TTC39C: variants seen among roughly 807,000 people sequenced by gnomAD.
TTC39C encodes the protein tetratricopeptide repeat domain 39C.
TTC39C carries 33 observed loss-of-function variants against 76.3 expected under a neutral mutation model. The observed-to-expected ratio is 0.43, with a 90% confidence interval of 0.33 to 0.58. The LOEUF (loss-of-function observed/expected upper bound fraction) is 0.58, where lower values mean the gene tolerates loss of function less well. Ranked by LOEUF, TTC39C falls within the 20% of genes least tolerant of loss-of-function variation. TTC39C has a pLI of 0.04. For synonymous variants in TTC39C, 254 were observed against 260.6 expected, an observed-to-expected ratio of 0.97 and a Z score of 0.24; for missense variants, 595 against 701.4, an observed-to-expected ratio of 0.85 and a Z score of 1.71.
At chr18:24,084,428 T>A (rs2084416335) in intron 6 of TTC39C, among the ~76,000 whole-genome samples, 1 of 152,124 alleles carries the variant, frequency 6.6e-6, no homozygotes, top group Non-Finnish European at 1.5e-5. Context: ...GAGGTTGTAG[T>A]GAGCCGAGAT....
intron 3 of TTC39C, 30 bp downstream of exon 3, chr18:24,066,170 G>A (rs781150730): frequency 1.3e-6 from 2 of 1,561,092 alleles, no homozygotes; most frequent in Admixed American, 4.5e-5. Flanking sequence ...GTTGTGGACT[G>A]TGTGCCACTT....
intron 1 of TTC39C, among the ~76,000 whole-genome samples, chr18:23,999,181 C>T (rs1386471652): frequency 1.3e-5 from 2 of 152,204 alleles, no homozygotes; most frequent in Admixed American, 1.3e-4. Flanking sequence ...TCCCTTTCCA[C>T]CTTCGAAACC....
chr18:24,027,506 C>T (rs963738365), intron 1 of TTC39C, among the ~76,000 whole-genome samples: 13 of 151,038 alleles, frequency 8.6e-5, no homozygotes, highest in Admixed American at 2.0e-4. Flanking sequence ...TTATTTAGGC[C>T]TAAAATAAAG....
At chr18:24,034,213 C>T (rs1014880038) in intron 1 of TTC39C, among the ~76,000 whole-genome samples, 2 of 152,190 alleles carry the variant, frequency 1.3e-5, no homozygotes, top group Admixed American at 6.5e-5. Context: ...CAAAGGCTAC[C>T]CTGAAGCTAA....
rs117416983 is a variant in TTC39C, at chr18:24,095,694, C to T, written c.984+12613C>T. On this transcript the variant is annotated intron_variant, in intron 6 of 13. Coordinates refer to ENST00000317571, the MANE Select transcript of TTC39C (RefSeq NM_001135993.2). ...AGCCTGGGCGACAAGAGTGAAACTC[C>T]GCCTCAAAAAACAAACAAACAAAAA... is the stretch of plus-strand genomic sequence containing the variant. 3.3e-3 allele frequency among the ~76,000 whole-genome samples: 508 copies of T among 152,122 alleles called. 2 individuals are homozygous for T. Among genetic ancestry groups the T allele is most frequent in the Non-Finnish European group, 5.8e-3 (394 of 67,990 alleles).
chr18:24,077,458 GTTGT>G lies in TTC39C; in HGVS notation c.461-3120_461-3117del, dbSNP rs934419207. On this transcript the variant is annotated intron_variant, in intron 4 of 13. Coordinates refer to ENST00000317571, the MANE Select transcript of TTC39C (RefSeq NM_001135993.2). ...AGAACAATTCACTCATCATCTCAGC[GTTGT>G]TTGTTTTCACTCTTTCTGTATGTGA... is the stretch of plus-strand genomic sequence containing the variant. Among the ~76,000 whole-genome samples the G allele has an allele frequency of 2.9e-4, 44 of 152,268 alleles. 1 individual carries two copies. In the South Asian group the frequency reaches 8.5e-3, roughly 29 times the overall value.
chr18:24,006,902 C>A (rs138425668), intron 1 of TTC39C, among the ~76,000 whole-genome samples: 383 of 152,296 alleles, frequency 2.5e-3, no homozygotes, highest in Admixed American at 4.1e-3. Flanking sequence ...GGGGCCTTGT[C>A]ATATTTGCCT....
chr18:24,006,720 A>G (rs145997346), intron 1 of TTC39C, among the ~76,000 whole-genome samples: 4 of 152,358 alleles, frequency 2.6e-5, no homozygotes, highest in African/African-American at 9.6e-5. Context: ...AGTAATTATC[A>G]ATGCATAAGA....
chr18:24,013,262 T>C (rs889105948), upstream of TTC39C, among the ~76,000 whole-genome samples: 1 of 152,210 alleles, frequency 6.6e-6, no homozygotes, highest in Non-Finnish European at 1.5e-5. Flanking sequence ...CTGTCAGTGT[T>C]CCAGTTTGTG....
intron 6 of TTC39C, among the ~76,000 whole-genome samples, chr18:24,097,497 C>A (rs1040324151): frequency 6.6e-6 from 1 of 152,032 alleles, no homozygotes; most frequent in East Asian, 1.9e-4. Flanking sequence ...GTTTTGGCAC[C>A]CATCAAGTGA....
At chr18:24,001,958 TG>T (rs1457118105) in intron 1 of TTC39C, among the ~76,000 whole-genome samples, 1 of 151,826 alleles carries the variant, frequency 6.6e-6, no homozygotes, top group East Asian at 2.0e-4. Context: ...CCCGAGTAGC[TG>T]GGACTACAGG....
At chr18:24,026,571 C>T (rs1051349572) in intron 1 of TTC39C, among the ~76,000 whole-genome samples, 4 of 152,200 alleles carry the variant, frequency 2.6e-5, no homozygotes, top group Non-Finnish European at 2.9e-5. Flanking sequence ...CACCCTCAAC[C>T]ATGACATCAG....
chr18:23,993,073 C>G (rs1385951266), intron 1 of TTC39C: 2 of 152,206 alleles, frequency 1.3e-5, no homozygotes, highest in East Asian at 3.8e-4. Flanking sequence ...AAGTGATAAA[C>G]AAGAAGAATC....
chr18:24,054,318 T>C (rs1293789390), intron 1 of TTC39C, among the ~76,000 whole-genome samples: 2 of 152,218 alleles, frequency 1.3e-5, no homozygotes, highest in East Asian at 3.9e-4. Flanking sequence ...TTTGGTTGGC[T>C]GGATGATATA....
chr18:24,050,730 G>A lies in TTC39C; in HGVS notation c.168-13410G>A, dbSNP rs141527454. ...CTACTGAAAATACACAGTTAGCTGG[G>A]TGTGGTGGCGGGTGCCTTGTAATCC... On this transcript the variant is annotated intron_variant, in intron 1 of 13. Transcript: ENST00000317571. 3.5e-3 allele frequency among the ~76,000 whole-genome samples: 530 copies of A among 152,140 alleles called. 1 individual carries two copies. Among genetic ancestry groups the A allele is most frequent in the African/African-American group, 0.012 (489 of 41,504 alleles).
intron 4 of TTC39C, among the ~76,000 whole-genome samples, chr18:24,076,460 A>G (rs1319602116): frequency 6.6e-6 from 1 of 151,622 alleles, no homozygotes; most frequent in African/African-American, 2.4e-5. Flanking sequence ...GTGTCCTCTC[A>G]TGGAGCTGCT....
intron 1 of TTC39C, among the ~76,000 whole-genome samples, chr18:24,041,827 A>G (rs982514846): frequency 1.3e-5 from 2 of 152,222 alleles, no homozygotes; most frequent in Non-Finnish European, 2.9e-5. Flanking sequence ...AACATTTGCC[A>G]TATTCACTTC....
chr18:24,040,416 G>A (rs777327736), intron 1 of TTC39C, among the ~76,000 whole-genome samples: 2 of 152,086 alleles, frequency 1.3e-5, no homozygotes, highest in East Asian at 3.8e-4. Flanking sequence ...CACTTATCTC[G>A]CTTTCACCTA....
chr18:24,007,586 G>T (rs1371164215), intron 1 of TTC39C, among the ~76,000 whole-genome samples: 1 of 152,146 alleles, frequency 6.6e-6, no homozygotes, highest in East Asian at 1.9e-4. Context: ...GTTTCACCAT[G>T]TTTGCCAGGC....
Sources: gnomAD v4.1 joint callset for allele counts (sites outside exome capture counted in the v4.1 genomes callset) on GRCh38, gnomAD v4.1.1 for gene constraint, MANE v1.5 for transcripts, NCBI Gene and HGNC (gene_info 2026-07-23, HGNC 2026-07-21) for gene names.